Variants in CPVL observed in about 807,000 individuals in gnomAD.
CPVL encodes the protein carboxypeptidase vitellogenic like, also known as probable serine carboxypeptidase CPVL.
Under a neutral mutation model 63.7 loss-of-function variants are expected in CPVL, and 51 were observed. The observed-to-expected ratio is 0.80, with a 90% CI of 0.64 to 1.01. CPVL has a LOEUF of 1.01. CPVL is among the 50% of genes least tolerant of loss of function. The probability of loss-of-function intolerance (pLI) is 0.00; values close to 1 mark genes in which losing one functional copy is unlikely to be tolerated. For synonymous variants in CPVL, 195 were observed against 206.0 expected, an observed-to-expected ratio of 0.95 and a Z score of 0.46; for missense variants, 530 against 573.1, an observed-to-expected ratio of 0.92 and a Z score of 0.77.
chr7:29,068,231 G>T (rs1224889067), intron 9 of CPVL, among the ~76,000 whole-genome samples: 3 of 151,984 alleles, frequency 2.0e-5, no homozygotes, highest in African/African-American at 7.3e-5. Context: ...TGATCAGGCT[G>T]GTCTCGAACT....
intron 11 of CPVL, among the ~76,000 whole-genome samples, chr7:29,039,862 T>C (rs938393975): frequency 1.3e-5 from 2 of 152,240 alleles, no homozygotes; most frequent in Non-Finnish European, 2.9e-5. Flanking sequence ...GAAAGATTTA[T>C]GCTTATATTC....
chr7:29,022,653 G>A (rs1408118200), intron 12 of CPVL, among the ~76,000 whole-genome samples: 1 of 152,214 alleles, frequency 6.6e-6, no homozygotes, highest in East Asian at 1.9e-4. Flanking sequence ...GCCAGTGCCT[G>A]TGCATGTTGT....
At chr7:29,027,848 G>A (rs979247700) in intron 12 of CPVL, among the ~76,000 whole-genome samples, 14 of 152,090 alleles carry the variant, frequency 9.2e-5, no homozygotes, top group African/African-American at 3.1e-4. Flanking sequence ...ACAAATGGAA[G>A]ACATCTCATG....
intron 9 of CPVL, among the ~76,000 whole-genome samples, chr7:29,068,758 G>A (rs1260275507): frequency 7.4e-5 from 11 of 148,484 alleles, no homozygotes; most frequent in African/African-American, 1.2e-4. Flanking sequence ...GCAGTGGCGC[G>A]ATCTTGGCTC....
At chr7:29,094,141 G>C (rs1287331275) in intron 5 of CPVL, among the ~76,000 whole-genome samples, 2 of 152,150 alleles carry the variant, frequency 1.3e-5, no homozygotes, top group East Asian at 3.9e-4. Flanking sequence ...AGGAGTTCAA[G>C]ACCAGCCTGG....
At chr7:29,069,827 T>TGTGTGCGCGC (rs1554335163) in intron 9 of CPVL, among the ~76,000 whole-genome samples, 1 of 135,396 alleles carries the variant, frequency 7.4e-6, no homozygotes, top group African/African-American at 2.7e-5. Context: ...TGTGTGTGTG[T>TGTGTGCGCGC]GCATGTAAAT....
At chr7:29,032,422 G>A (rs747595961) in intron 11 of CPVL, among the ~76,000 whole-genome samples, 7 of 152,038 alleles carry the variant, frequency 4.6e-5, no homozygotes, top group Admixed American at 6.6e-5. Context: ...TTTAAAGCCT[G>A]TTAAAAAAAT....
chr7:29,190,125 G>A (rs1351610168), intron 1 of CPVL, among the ~76,000 whole-genome samples: 1 of 152,188 alleles, frequency 6.6e-6, no homozygotes, highest in African/African-American at 2.4e-5. Context: ...GAGCCAATGC[G>A]TTCTCTTTCT....
At chr7:29,054,290 C>T (rs1467260221) in intron 11 of CPVL, among the ~76,000 whole-genome samples, 2 of 152,148 alleles carry the variant, frequency 1.3e-5, no homozygotes, top group African/African-American at 2.4e-5. Flanking sequence ...TTTATTTTTC[C>T]TAAATATATT....
At chr7:28,998,411 A>C (rs1784295668) in intron 12 of CPVL, among the ~76,000 whole-genome samples, 1 of 152,224 alleles carries the variant, frequency 6.6e-6, no homozygotes, top group African/African-American at 2.4e-5. Context: ...CTGGGCTCAG[A>C]AGTCAGAGTG....
chr7:29,137,618 T>C (rs966328661), intron 1 of CPVL, among the ~76,000 whole-genome samples: 7 of 152,214 alleles, frequency 4.6e-5, no homozygotes, highest in Non-Finnish European at 1.0e-4. Flanking sequence ...CTTGTCTATG[T>C]GTGTAGCTCA....
chr7:29,034,633 G>GT (rs1474313761), intron 11 of CPVL, among the ~76,000 whole-genome samples: 1 of 151,702 alleles, frequency 6.6e-6, no homozygotes, highest in Non-Finnish European at 1.5e-5. Flanking sequence ...TGTTCTCATC[G>GT]TTTTTTACAA....
chr7:29,044,603 C>A (rs543662169), intron 11 of CPVL, among the ~76,000 whole-genome samples: 1 of 152,246 alleles, frequency 6.6e-6, no homozygotes, highest in East Asian at 1.9e-4. Flanking sequence ...TTTTACATCT[C>A]CTATTATACT....
chr7:29,097,307 G>A (rs1427200556), intron 3 of CPVL, among the ~76,000 whole-genome samples: 2 of 152,216 alleles, frequency 1.3e-5, no homozygotes, highest in Admixed American at 1.3e-4. Flanking sequence ...CAGGCATAGC[G>A]CCGGGAGCTA....
chr7:29,119,460 C>T (rs1448801892), intron 2 of CPVL, among the ~76,000 whole-genome samples: 1 of 147,374 alleles, frequency 6.8e-6, no homozygotes, highest in Non-Finnish European at 1.5e-5. Flanking sequence ...GCACTCCAGC[C>T]TGGCAACAGA....
chr7:29,144,330 G>A (rs766666947), intron 1 of CPVL, among the ~76,000 whole-genome samples: 7 of 149,668 alleles, frequency 4.7e-5, no homozygotes, highest in Non-Finnish European at 9.0e-5. Context: ...GAAGGCCGAG[G>A]TGGGAGGATC....
At chr7:29,039,450 CT>C (rs1788854724) in intron 11 of CPVL, among the ~76,000 whole-genome samples, 1 of 152,178 alleles carries the variant, frequency 6.6e-6, no homozygotes, top group Non-Finnish European at 1.5e-5. Context: ...CAGATTTTCA[CT>C]TAAAATTTAA....
chr7:29,068,694 CTTTG>C (rs1206820011), intron 9 of CPVL, among the ~76,000 whole-genome samples: 1 of 146,052 alleles, frequency 6.8e-6, no homozygotes, highest in Non-Finnish European at 1.5e-5. Context: ...TTTTTTTTTT[CTTTG>C]TTTTTTTTTT....
chr7:29,110,115 C>T (rs1011531080), intron 3 of CPVL, among the ~76,000 whole-genome samples: 1 of 152,174 alleles, frequency 6.6e-6, no homozygotes, highest in African/African-American at 2.4e-5. Flanking sequence ...GGATCATTAC[C>T]AAAGAAGACT....
Sources: allele counts gnomAD v4.1 joint callset (sites outside exome capture counted in the v4.1 genomes callset), GRCh38; gene constraint gnomAD v4.1.1; transcripts MANE v1.5; gene names NCBI Gene and HGNC (gene_info 2026-07-23, HGNC 2026-07-21).